The following PCDH9 variants were observed in gnomAD, a reference collection of about 807,000 sequenced individuals.
PCDH9 encodes protocadherin-9.
A neutral mutation model predicts 70.6 loss-of-function variants in PCDH9; 24 were observed. That is an observed-to-expected ratio of 0.34 (90% CI 0.25 to 0.48). The LOEUF (loss-of-function observed/expected upper bound fraction) is 0.48, where lower values mean the gene tolerates loss of function less well. Ranked by LOEUF, PCDH9 falls within the 20% of genes least tolerant of loss-of-function variation. The probability of loss-of-function intolerance (pLI) is 0.99; values close to 1 mark genes in which losing one functional copy is unlikely to be tolerated. For synonymous variants in PCDH9, 562 were observed against 558.5 expected (o/e 1.01, Z -0.09); for missense variants, 1,281 against 1,503.6 (o/e 0.85, Z 2.45).
chr13:67,158,476 C>T (rs2087870065), intron 2 of PCDH9, among the ~76,000 whole-genome samples: 1 of 152,144 alleles, frequency 6.6e-6, no homozygotes, highest in Admixed American at 6.5e-5. Flanking sequence ...ACAGTGGAAC[C>T]TTTGAGAAGT....
At chr13:66,561,882 C>G (rs991304074) in intron 4 of PCDH9, among the ~76,000 whole-genome samples, 5 of 152,094 alleles carry the variant, frequency 3.3e-5, no homozygotes, top group African/African-American at 9.7e-5. Flanking sequence ...CTCTTCCACA[C>G]TGTGGAAGCT....
rs147887136 is a variant in PCDH9 at position 67,177,628 on chromosome 13, ATTGGTG to A, written c.3036+47771_3036+47776del. On this transcript the variant is annotated intron_variant, in intron 2 of 4. Transcript: ENST00000377865. The stretch of plus-strand genomic sequence containing the variant: ...TTACTTCTGTGCATAATGCTTGAAT[ATTGGTG>A]TTGATTCCCCTATGTTGTTGTCTCT... 8.5e-3 allele frequency among the ~76,000 whole-genome samples: 1,289 copies of A among 152,146 alleles called. 29 individuals carry two copies. The highest frequency in any genetic ancestry group is 0.029 in the African/African-American group (1,202 of 41,524).
At chr13:66,686,274 G>T (rs2078400298) in intron 3 of PCDH9, among the ~76,000 whole-genome samples, 1 of 152,064 alleles carries the variant, frequency 6.6e-6, no homozygotes, top group East Asian at 1.9e-4. Flanking sequence ...ATTTCTGATG[G>T]TTTTATACAG....
At chr13:67,198,827 A>G (rs899597302) in intron 2 of PCDH9, among the ~76,000 whole-genome samples, 4 of 151,888 alleles carry the variant, frequency 2.6e-5, no homozygotes, top group African/African-American at 9.7e-5. Flanking sequence ...GCTTTAAGAA[A>G]TATTTAAATA....
chr13:66,451,763 T>A (rs1168123121), intron 4 of PCDH9, among the ~76,000 whole-genome samples: 1 of 152,180 alleles, frequency 6.6e-6, no homozygotes, highest in Non-Finnish European at 1.5e-5. Context: ...AACATAAAGA[T>A]CTAATGTATA....
chr13:66,759,422 G>C (rs958424301), intron 3 of PCDH9, among the ~76,000 whole-genome samples: 1 of 151,912 alleles, frequency 6.6e-6, no homozygotes, highest in African/African-American at 2.4e-5. Flanking sequence ...GTTAAATCCT[G>C]TTTTGTTTAT....
At chr13:66,389,520 T>C (rs1956983539) in intron 4 of PCDH9, among the ~76,000 whole-genome samples, 1 of 152,226 alleles carries the variant, frequency 6.6e-6, no homozygotes, top group Non-Finnish European at 1.5e-5. Context: ...TTTTGAGATT[T>C]GTACATAACT....
chr13:66,547,449 A>G (rs1445723828), intron 4 of PCDH9, among the ~76,000 whole-genome samples: 1 of 152,136 alleles, frequency 6.6e-6, no homozygotes, highest in Non-Finnish European at 1.5e-5. Context: ...TCTAGTAACC[A>G]TTGTCATACT....
intron 4 of PCDH9, among the ~76,000 whole-genome samples, chr13:66,434,154 T>G (rs1050938881): frequency 3.3e-5 from 5 of 152,066 alleles, no homozygotes; most frequent in Admixed American, 3.3e-4. Context: ...ATTTGAGAAC[T>G]CTTATCAAAA....
At chr13:66,545,396 C>T (rs1961141346) in intron 4 of PCDH9, among the ~76,000 whole-genome samples, 1 of 152,098 alleles carries the variant, frequency 6.6e-6, no homozygotes, top group Admixed American at 6.6e-5. Flanking sequence ...AATTTCAAGA[C>T]ATGTAATAAA....
chr13:66,329,549 G>T (rs549048563), intron 4 of PCDH9, among the ~76,000 whole-genome samples: 1 of 152,128 alleles, frequency 6.6e-6, no homozygotes, highest in Admixed American at 6.5e-5. Context: ...ACTGTAAAGA[G>T]AATGTCCCCA....
At chr13:67,154,973 G>A (rs867814632) in intron 2 of PCDH9, among the ~76,000 whole-genome samples, 1 of 151,924 alleles carries the variant, frequency 6.6e-6, no homozygotes, top group South Asian at 2.1e-4. Flanking sequence ...TGAGTGGTGG[G>A]TGGGTGGCAT....
intron 3 of PCDH9, among the ~76,000 whole-genome samples, chr13:66,747,378 AACAAAACAAAACAAAAC>A (rs199942645): frequency 0.26 from 14,649 of 57,204 alleles, 770 homozygotes; most frequent in Non-Finnish European, 0.35. Context: ...AACAAAACAA[AACAAAACAAAACAAAAC>A]ACAAAAAGCA....
At chr13:66,707,258 G>C (rs922698859) in intron 3 of PCDH9, among the ~76,000 whole-genome samples, 3 of 152,062 alleles carry the variant, frequency 2.0e-5, no homozygotes, top group Non-Finnish European at 4.4e-5. Flanking sequence ...TTAATTTTTT[G>C]TCGTTTTGAA....
rs530514128 is a variant in PCDH9, at chr13:67,008,965, T to C, written c.3037-105360A>G. ...CACTTATTAAACACATTCTATCAAC[T>C]GTATGTAATAAAGATGCACTAAAAT... On this transcript the variant is annotated intron_variant, in intron 2 of 4. Transcript: ENST00000377865. Among the ~76,000 whole-genome samples, 3 of 152,296 alleles carry C rather than the reference T, an allele frequency of 2.0e-5. No homozygotes were observed. The East Asian group carries it at 5.8e-4, about 29-fold the overall frequency.
chr13:66,476,570 A>G (rs1323444930), intron 4 of PCDH9, among the ~76,000 whole-genome samples: 1 of 152,080 alleles, frequency 6.6e-6, no homozygotes, highest in Non-Finnish European at 1.5e-5. Flanking sequence ...CATTCTCAAT[A>G]GTGGAGATGA....
chr13:66,860,545 A>C (rs1483627587), intron 3 of PCDH9, among the ~76,000 whole-genome samples: 1 of 152,238 alleles, frequency 6.6e-6, no homozygotes, highest in Non-Finnish European at 1.5e-5. Flanking sequence ...GCAAACTTTC[A>C]GCAGAGAGAA....
intron 2 of PCDH9, among the ~76,000 whole-genome samples, chr13:67,142,437 A>G (rs1217010226): frequency 6.6e-6 from 1 of 152,218 alleles, no homozygotes; most frequent in Non-Finnish European, 1.5e-5. Flanking sequence ...TGGTTTTAAA[A>G]TCAGCAATAG....
intron 3 of PCDH9, among the ~76,000 whole-genome samples, chr13:66,754,043 CT>C (rs957104535): frequency 5.3e-5 from 8 of 151,962 alleles, no homozygotes; most frequent in Admixed American, 1.3e-4. Flanking sequence ...CTGAACCTCT[CT>C]TTTTTTATTT....
Sources: gnomAD v4.1 joint callset for allele counts (sites outside exome capture counted in the v4.1 genomes callset) on GRCh38, gnomAD v4.1.1 for gene constraint, MANE v1.5 for transcripts, NCBI Gene and HGNC (gene_info 2026-07-23, HGNC 2026-07-21) for gene names.